SLC12A5: variants seen among roughly 807,000 people sequenced by gnomAD.
SLC12A5 encodes the protein solute carrier family 12 member 5.
SLC12A5 carries 18 observed loss-of-function variants against 124.0 expected under a neutral mutation model. The observed-to-expected ratio is 0.15, with a 90% CI of 0.10 to 0.22. The LOEUF (loss-of-function observed/expected upper bound fraction) is 0.22. SLC12A5 is among the 10% of genes least tolerant of loss of function. SLC12A5 has a pLI of 1.00. For synonymous variants in SLC12A5, 589 were observed against 568.0 expected (o/e 1.04, Z -0.53); for missense variants, 867 against 1,478.7 (o/e 0.59, Z 6.78).
At position 46,057,726 on chromosome 20, in the gene SLC12A5, C is replaced by T. The variant is rs1373014198; in HGVS notation, c.*121C>T. ...CCTGTGCCCGTGTCCTGGCCCCTTA[C>T]CCCGCTGCCTGAAGCCCGGAGGCCA... On this transcript the variant is annotated 3_prime_UTR_variant, in exon 26 of 26. Coordinates refer to ENST00000243964, the MANE Select transcript of SLC12A5 (RefSeq NM_020708.5). The surrounding 1 kb of genome is among the most constrained non-coding windows in gnomAD (Gnocchi z 7.1). The T allele has an allele frequency of 1.0e-5, 8 of 763,434 alleles. No homozygotes were observed. Among genetic ancestry groups the T allele is most frequent in the Non-Finnish European group, 1.4e-5 (7 of 491,116 alleles). 47.3% of individuals were successfully genotyped at this position (763,434 alleles called of 1,614,324 possible).
At chr20:46,050,074 C>T (rs2084634709) in intron 17 of SLC12A5, among the ~76,000 whole-genome samples, 1 of 152,198 alleles carries the variant, frequency 6.6e-6, no homozygotes, top group South Asian at 2.1e-4. Flanking sequence ...AATGAAGATT[C>T]AAATTAGGAC....
chr20:46,030,606 T>TC (rs1265354505), intron 1 of SLC12A5, among the ~76,000 whole-genome samples: 1 of 152,020 alleles, frequency 6.6e-6, no homozygotes, highest in African/African-American at 2.4e-5. Flanking sequence ...CTTCAAACGT[T>TC]CCCCTGGGCA....
At position 46,059,548 on chromosome 20, in the gene SLC12A5, G is replaced by A. The variant is rs2084732522; in HGVS notation, c.*1943G>A. 1 of 398,956 alleles carries A rather than the reference G, an allele frequency of 2.5e-6. No individual in the cohort carries two copies. Among genetic ancestry groups the A allele is most frequent in the Admixed American group, 4.4e-5 (1 of 22,710 alleles). 24.7% of individuals were successfully genotyped at this position (398,956 alleles called of 1,614,324 possible). On this transcript the variant is annotated 3_prime_UTR_variant, in exon 26 of 26. Transcript: ENST00000243964. Reference sequence around the variant, plus strand: ...CTGATGTGATGGGCTGTGCAGAAGGGGGCTGTATCAACATCAATTAGGGAA... The same window carrying A: ...CTGATGTGATGGGCTGTGCAGAAGGAGGCTGTATCAACATCAATTAGGGAA...
intron 13 of SLC12A5, 81 bp from the exon 14 acceptor site, chr20:46,046,257 C>T (rs754695899): frequency 7.6e-7 from 1 of 1,311,948 alleles, no homozygotes; most frequent in Admixed American, 1.8e-5. Flanking sequence ...TCCCCTTTCC[C>T]CCTTTCTCTG....
At position 46,059,646 on chromosome 20, in the gene SLC12A5, C is replaced by G. The variant is rs960061170; in HGVS notation, c.*2041C>G. On this transcript the variant is annotated 3_prime_UTR_variant, in exon 26 of 26. Transcript: ENST00000243964. ...AGTTTCCGTTGATGAAACAGACATC[C>G]CACAACAAAAACCCAAGTTTTCTGT... 7.5e-6 allele frequency: 3 copies of G among 398,920 alleles called. No individual in the cohort carries two copies. Among genetic ancestry groups the G allele is most frequent in the African/African-American group, 6.2e-5 (3 of 48,616 alleles). The allele number at this position is 398,920 out of a possible 1,614,324, so 24.7% of individuals were successfully genotyped here. A position where few individuals can be genotyped will look rare whatever the true frequency, so the allele number is the denominator to read the frequency against.
intron 16 of SLC12A5, among the ~76,000 whole-genome samples, chr20:46,048,627 T>G (rs778008425): frequency 3.9e-5 from 6 of 151,948 alleles, no homozygotes; most frequent in Non-Finnish European, 7.4e-5. Flanking sequence ...ACCCAACAGT[T>G]TGGGAGGCTG....
In SLC12A5 at chr20:46,041,421, G is replaced by T; in HGVS notation, c.947G>T (p.Arg316Leu). The change falls in exon 8 of 26, where the codon CGG becomes CTG. Residue 316 changes from arginine to leucine, a missense_variant. Physicochemically the swap from Arg to Leu is moderately radical, Grantham distance 102. Transcript: ENST00000243964. ...GAAGGAAATGAGACGGTGACCACACGGCTATGGGGCCTTTTCTGCTCCTCT... is the reference window on the plus strand; with the variant it reads ...GAAGGAAATGAGACGGTGACCACACTGCTATGGGGCCTTTTCTGCTCCTCT... The part of the protein sequence containing the change: ...AWEGNETVTT[R>L]LWGLFCSSRF... 6.2e-7 allele frequency: 1 copy of T among 1,614,122 alleles called. No individual in the cohort carries two copies. Among genetic ancestry groups the T allele is most frequent in the Non-Finnish European group, 8.5e-7 (1 of 1,180,016 alleles).
At chr20:46,022,381 G>A (rs1003388806) in intron 1 of SLC12A5, among the ~76,000 whole-genome samples, 2 of 142,388 alleles carry the variant, frequency 1.4e-5, no homozygotes, top group Admixed American at 7.1e-5. Flanking sequence ...AGTAGGGAAT[G>A]AGTTGGGCCA....
chr20:46,023,238 C>G (rs1290562942), intron 2 of SLC12A5: 1 of 398,032 alleles, frequency 2.5e-6, no homozygotes, highest in Non-Finnish European at 4.4e-6. Context: ...ACTTGGATTT[C>G]TTGGGCTCCT....
At chr20:46,042,108 A>G (rs1169437368) in intron 8 of SLC12A5, among the ~76,000 whole-genome samples, 1 of 152,188 alleles carries the variant, frequency 6.6e-6, no homozygotes, top group Non-Finnish European at 1.5e-5. Flanking sequence ...TTCCAATCAC[A>G]AGTAATTTGG....
upstream of SLC12A5, among the ~76,000 whole-genome samples, chr20:46,026,701 C>T (rs1180329879): frequency 1.1e-4 from 17 of 152,270 alleles, no homozygotes; most frequent in East Asian, 5.8e-4. Flanking sequence ...TTTTTACAGA[C>T]GGGATACTGA....
rs1395102557 is a variant in SLC12A5, at chr20:46,056,106, G to T, written c.2788-44G>T. ...TGATAGCTCTTTGCAGGGCATGGGT[G>T]GTGACTCCCAGCAGAGCTGGCACCA... On this transcript the variant is annotated intron_variant, in intron 21 of 25. Coordinates refer to ENST00000243964, the MANE Select transcript of SLC12A5 (RefSeq NM_020708.5). This position sits in a 1 kb window ranked among gnomAD's most constrained non-coding sequence, Gnocchi z 4.3. The T allele has an allele frequency of 1.2e-6, 2 of 1,610,496 alleles. No homozygotes were observed. The highest frequency in any genetic ancestry group is 8.5e-7 in the Non-Finnish European group (1 of 1,178,300).
chr20:46,040,170 A>G (rs1054041385), intron 6 of SLC12A5, among the ~76,000 whole-genome samples: 1 of 152,180 alleles, frequency 6.6e-6, no homozygotes, highest in Non-Finnish European at 1.5e-5. Flanking sequence ...GCCTGGCCTT[A>G]TAATGTCATT....
chr20:46,025,102 A>G (rs2084386215), upstream of SLC12A5, among the ~76,000 whole-genome samples: 1 of 152,156 alleles, frequency 6.6e-6, no homozygotes, highest in African/African-American at 2.4e-5. Context: ...GGGCCTTAAT[A>G]TACCCATCTG....
At chr20:46,054,828 C>T in intron 20 of SLC12A5, 88 bp from the exon 21 acceptor site, 1 of 893,514 alleles carries the variant, frequency 1.1e-6, no homozygotes, top group East Asian at 2.6e-5. Context: ...TTCCTTCCTT[C>T]CCTTGGCCTT....
upstream of SLC12A5, among the ~76,000 whole-genome samples, chr20:46,028,846 C>A (rs529955139): frequency 1.4e-3 from 209 of 152,284 alleles, no homozygotes; most frequent in Non-Finnish European, 2.3e-3. Flanking sequence ...CGCCTCCCCG[C>A]GGCCGCGACC....
chr20:46,054,815 G>GCCTT, intron 20 of SLC12A5, 101 bp from the exon 21 acceptor site: 1 of 773,072 alleles, frequency 1.3e-6, no homozygotes, highest in Non-Finnish European at 2.2e-6. Context: ...AAGGACGGGG[G>GCCTT]CCTTCCTTCC....
chr20:46,032,175 A>C (rs902689678), intron 1 of SLC12A5, among the ~76,000 whole-genome samples: 21 of 152,142 alleles, frequency 1.4e-4, no homozygotes, highest in African/African-American at 4.6e-4. Context: ...GCGGCCGGCT[A>C]GGCTCGGCGC....
rs2084730493 is a variant in SLC12A5 at position 46,059,381 on chromosome 20, G to A, written c.*1776G>A. 1.5e-5 allele frequency: 6 copies of A among 392,560 alleles called. No homozygotes were observed. The highest frequency in any genetic ancestry group is 1.8e-5 in the Non-Finnish European group (4 of 222,808). 24.3% of individuals were successfully genotyped at this position (392,560 alleles called of 1,614,324 possible). ...TTACACCAAGTCCCCTCTGAGATTC[G>A]ATCAGGGGACTGGATAGATTCTTTC... On this transcript the variant is annotated 3_prime_UTR_variant, in exon 26 of 26. Coordinates refer to ENST00000243964, the MANE Select transcript of SLC12A5 (RefSeq NM_020708.5).
Sources: allele counts gnomAD v4.1 joint callset (sites outside exome capture counted in the v4.1 genomes callset), GRCh38; gene constraint gnomAD v4.1.1; non-coding constraint Gnocchi (gnomAD v3.1); transcripts MANE v1.5; gene names NCBI Gene and HGNC (gene_info 2026-07-23, HGNC 2026-07-21).